Variants in AMOTL1 observed in about 807,000 individuals in gnomAD.
AMOTL1 encodes the protein angiomotin like 1.
A neutral mutation model predicts 102.9 loss-of-function variants in AMOTL1; 45 were observed. That is an observed-to-expected ratio of 0.44 (90% CI 0.34 to 0.56). AMOTL1 has a LOEUF of 0.56. Ranked by LOEUF, AMOTL1 falls within the 20% of genes least tolerant of loss-of-function variation. The pLI is 0.01. For missense variants in AMOTL1, 1,114 were observed against 1,225.6 expected, an observed-to-expected ratio of 0.91 and a Z score of 1.36; for synonymous variants, 481 against 484.7, an observed-to-expected ratio of 0.99 and a Z score of 0.10.
chr11:94,797,781 G>A (rs1951395420), intron 2 of AMOTL1, among the ~76,000 whole-genome samples: 1 of 152,212 alleles, frequency 6.6e-6, no homozygotes, highest in Admixed American at 6.5e-5. Context: ...AGTATTGCTG[G>A]AGCTTAAACG....
At chr11:94,747,118 G>T (rs759547281) in intron 3 of AMOTL1, among the ~76,000 whole-genome samples, 8 of 152,176 alleles carry the variant, frequency 5.3e-5, no homozygotes, top group Admixed American at 2.0e-4. Flanking sequence ...AGTTTTGAAA[G>T]TCCAATTTTT....
chr11:94,723,513 A>G (rs1950207228), intron 1 of AMOTL1, among the ~76,000 whole-genome samples: 1 of 152,124 alleles, frequency 6.6e-6, no homozygotes, highest in Non-Finnish European at 1.5e-5. Context: ...TATTTATTGG[A>G]ATATTTAAAA....
At chr11:94,837,705 T>G (rs553960835) in intron 6 of AMOTL1, among the ~76,000 whole-genome samples, 1 of 152,338 alleles carries the variant, frequency 6.6e-6, no homozygotes, top group East Asian at 1.9e-4. Context: ...TTTGCCATGC[T>G]TAAAGAATGG....
In AMOTL1 at chr11:94,800,015, C is replaced by G; in HGVS notation, c.825C>G (p.Ala275=). The change falls in exon 3 of 13, where the codon GCC becomes GCG. Residue 275 remains alanine, a synonymous_variant. Coordinates refer to ENST00000433060, the MANE Select transcript of AMOTL1 (RefSeq NM_130847.3). ...IMQLSLERNG[A]KQHLPGSGNG... The stretch of plus-strand genomic sequence containing the variant: ...AGCTGTCCCTGGAGAGGAATGGGGC[C>G]AAGCAACACCTTCCCGGCTCGGGGA... 6.2e-7 allele frequency: 1 copy of G among 1,614,046 alleles called. No individual in the cohort carries two copies. The highest frequency in any genetic ancestry group is 8.5e-7 in the Non-Finnish European group (1 of 1,179,892).
intron 3 of AMOTL1, among the ~76,000 whole-genome samples, chr11:94,819,100 T>C (rs914516390): frequency 2.0e-5 from 3 of 152,216 alleles, no homozygotes; most frequent in Admixed American, 6.5e-5. Context: ...CCTACCTTTC[T>C]AGGAGTAAAC....
chr11:94,717,572 A>G (rs548661119), intron 1 of AMOTL1, among the ~76,000 whole-genome samples: 1 of 152,068 alleles, frequency 6.6e-6, no homozygotes, highest in South Asian at 2.1e-4. Flanking sequence ...ATAACAACAT[A>G]TATTAAATAT....
At chr11:94,844,980 T>C (rs1233868932) in intron 6 of AMOTL1, among the ~76,000 whole-genome samples, 2 of 152,180 alleles carry the variant, frequency 1.3e-5, no homozygotes, top group Admixed American at 1.3e-4. Flanking sequence ...TTAATTCCTA[T>C]GTAGGAAGTG....
chr11:94,706,549 G>C (rs1445173525), exon 1 of AMOTL1: 2 of 152,168 alleles, frequency 1.3e-5, no homozygotes, highest in Non-Finnish European at 2.9e-5. Context: ...TGTCACTTCT[G>C]TTAGAACTTA....
At chr11:94,755,631 A>ATATCCCTG (rs1950713610) in intron 3 of AMOTL1, among the ~76,000 whole-genome samples, 1 of 152,054 alleles carries the variant, frequency 6.6e-6, no homozygotes, top group Non-Finnish European at 1.5e-5. Context: ...AGGAGTTCCC[A>ATATCCCTG]TATCCCCGTC....
intron 6 of AMOTL1, among the ~76,000 whole-genome samples, chr11:94,843,815 T>C (rs1248836659): frequency 6.6e-6 from 1 of 152,162 alleles, no homozygotes. Flanking sequence ...TGATCAGCAC[T>C]GGACTAGCTG....
intron 3 of AMOTL1, among the ~76,000 whole-genome samples, chr11:94,804,932 T>G (rs766873560): frequency 1.3e-5 from 2 of 152,192 alleles, no homozygotes; most frequent in African/African-American, 2.4e-5. Context: ...TCCTTAATCT[T>G]TACAACTCTA....
rs1399156162 is a variant in AMOTL1, at chr11:94,871,276, CGTGAGT to C, written c.*491_*496del. 1 of 152,382 alleles carries C rather than the reference CGTGAGT, an allele frequency of 6.6e-6. No homozygotes were observed. The highest frequency in any genetic ancestry group is 1.5e-5 in the Non-Finnish European group (1 of 68,260). The allele number at this position is 152,382 out of a possible 1,614,324, so 9.4% of individuals were successfully genotyped here. On this transcript the variant is annotated 3_prime_UTR_variant, in exon 13 of 13. Coordinates refer to ENST00000433060, the MANE Select transcript of AMOTL1 (RefSeq NM_130847.3). ...CACCTGTGCCAACCATGGGGTGTCC[CGTGAGT>C]GTGAGTGTGGCAGTGAGAAGAAGCA... is the stretch of plus-strand genomic sequence containing the variant.
chr11:94,748,745 C>T (rs1950617016), intron 3 of AMOTL1, among the ~76,000 whole-genome samples: 1 of 152,182 alleles, frequency 6.6e-6, no homozygotes, highest in South Asian at 2.1e-4. Context: ...CTTCTCTGTG[C>T]TCTGAAACAC....
chr11:94,734,094 A>G (rs970536509), intron 2 of AMOTL1, among the ~76,000 whole-genome samples: 1 of 152,200 alleles, frequency 6.6e-6, no homozygotes. Flanking sequence ...TGATATTTGG[A>G]ATTTTTAGAG....
intron 9 of AMOTL1, among the ~76,000 whole-genome samples, chr11:94,864,019 A>G (rs1056005093): frequency 6.6e-6 from 1 of 152,196 alleles, no homozygotes; most frequent in Non-Finnish European, 1.5e-5. Flanking sequence ...CCATAAAACA[A>G]GAAGTGAGAC....
chr11:94,850,936 A>T (rs1455284334), intron 7 of AMOTL1, among the ~76,000 whole-genome samples: 4 of 152,318 alleles, frequency 2.6e-5, no homozygotes, highest in African/African-American at 7.2e-5. Flanking sequence ...TGTTGAATTT[A>T]AAAAAACTGT....
At position 94,800,039 on chromosome 11, in the gene AMOTL1, G is replaced by A. The variant is rs778445041; in HGVS notation, c.849G>A (p.Gly283=). The A allele has an allele frequency of 1.2e-6, 2 of 1,614,054 alleles. No homozygotes were observed. The highest frequency in any genetic ancestry group is 1.7e-6 in the Non-Finnish European group (2 of 1,179,890). Residue 283 remains glycine (G), a synonymous_variant, in exon 3 of 13, where the codon GGG becomes GGA. Transcript: ENST00000433060. ...CCAAGCAACACCTTCCCGGCTCGGG[G>A]AATGGAAAGGGCTTCAAAGTAGGAG... is the stretch of plus-strand genomic sequence containing the variant. ...NGAKQHLPGS[G]NGKGFKVGGG...
intron 11 of AMOTL1, among the ~76,000 whole-genome samples, chr11:94,867,836 G>C (rs2135742413): frequency 6.6e-6 from 1 of 152,342 alleles, no homozygotes; most frequent in South Asian, 2.1e-4. Context: ...GGGCGATGAA[G>C]TGGAAAGAAC....
At chr11:94,811,791 C>G (rs976213791) in intron 3 of AMOTL1, among the ~76,000 whole-genome samples, 2 of 152,216 alleles carry the variant, frequency 1.3e-5, no homozygotes, top group Admixed American at 6.5e-5. Context: ...TTAAGACCAG[C>G]TGGTTGTTAA....
Sources: gnomAD v4.1 joint callset for allele counts (sites outside exome capture counted in the v4.1 genomes callset) on GRCh38, gnomAD v4.1.1 for gene constraint, MANE v1.5 for transcripts, NCBI Gene and HGNC (gene_info 2026-07-23, HGNC 2026-07-21) for gene names.